The following TMTC2 variants were observed in gnomAD, a reference collection of about 807,000 sequenced individuals.
TMTC2 encodes the protein protein O-mannosyl-transferase TMTC2.
Under a neutral mutation model 82.4 loss-of-function variants are expected in TMTC2, and 43 were observed. That is an observed-to-expected ratio of 0.52 (90% CI 0.41 to 0.67). The LOEUF (loss-of-function observed/expected upper bound fraction) is 0.67, where lower values mean the gene tolerates loss of function less well. Ranked by LOEUF, TMTC2 falls within the 30% of genes least tolerant of loss-of-function variation. The probability of loss-of-function intolerance (pLI) is 0.00; values close to 1 mark genes in which losing one functional copy is unlikely to be tolerated. For synonymous variants in TMTC2, 408 were observed against 381.9 expected, an observed-to-expected ratio of 1.07 and a Z score of -0.80; for missense variants, 919 against 1,012.4, an observed-to-expected ratio of 0.91 and a Z score of 1.25.
chr12:83,007,323 CTT>C (rs1880250167), intron 8 of TMTC2, among the ~76,000 whole-genome samples: 1 of 152,152 alleles, frequency 6.6e-6, no homozygotes, highest in African/African-American at 2.4e-5. Flanking sequence ...AATGTACACA[CTT>C]ATCACTTAAA....
intron 8 of TMTC2, among the ~76,000 whole-genome samples, chr12:82,992,259 G>A (rs1314496428): frequency 6.6e-6 from 1 of 152,144 alleles, no homozygotes; most frequent in East Asian, 1.9e-4. Context: ...TTAGAGCTAA[G>A]ACTTCTTTTT....
chr12:83,061,641 G>T lies in TMTC2; in HGVS notation c.2268-127G>T, dbSNP rs1041798813. The T allele has an allele frequency of 2.4e-5, 16 of 676,726 alleles. No individual in the cohort carries two copies. In the African/African-American group the frequency reaches 3.0e-4, roughly 13 times the overall value. 41.9% of individuals were successfully genotyped at this position (676,726 alleles called of 1,614,324 possible). A position where few individuals can be genotyped will look rare whatever the true frequency, so the allele number is the denominator to read the frequency against. On this transcript the variant is annotated intron_variant, in intron 10 of 11. Transcript: ENST00000321196. ...ACACTCAATTTTTAAGTCTTTTTCT[G>T]CTTGGGCAATTTATTGTTTGGTGTG...
At chr12:82,715,288 A>G (rs1488632651) in intron 1 of TMTC2, among the ~76,000 whole-genome samples, 1 of 151,026 alleles carries the variant, frequency 6.6e-6, no homozygotes, top group East Asian at 1.9e-4. Flanking sequence ...AAAAAAAAAC[A>G]AAAAAGAAAA....
At chr12:82,893,594 A>G (rs1303653833) in intron 2 of TMTC2, among the ~76,000 whole-genome samples, 5 of 152,234 alleles carry the variant, frequency 3.3e-5, no homozygotes, top group African/African-American at 4.8e-5. Flanking sequence ...TCTAATTTCC[A>G]TCTGGTTGCT....
chr12:82,893,317 G>A (rs1309530480), intron 2 of TMTC2, among the ~76,000 whole-genome samples: 1 of 149,876 alleles, frequency 6.7e-6, no homozygotes, highest in Non-Finnish European at 1.5e-5. Flanking sequence ...GTTACAGTGA[G>A]CTGAGATCAT....
intron 8 of TMTC2, among the ~76,000 whole-genome samples, chr12:83,014,034 C>T (rs1880568256): frequency 1.3e-5 from 2 of 152,168 alleles, no homozygotes; most frequent in South Asian, 4.1e-4. Flanking sequence ...TCACTGAACT[C>T]TAAGGCAAAT....
At chr12:82,922,892 C>G (rs1875477848) in intron 3 of TMTC2, among the ~76,000 whole-genome samples, 1 of 152,110 alleles carries the variant, frequency 6.6e-6, no homozygotes, top group African/African-American at 2.4e-5. Flanking sequence ...GAATGACCCA[C>G]ATTGTACTCC....
intron 11 of TMTC2, among the ~76,000 whole-genome samples, chr12:83,109,870 T>C (rs2137544554): frequency 6.6e-6 from 1 of 152,342 alleles, no homozygotes; most frequent in Non-Finnish European, 1.5e-5. Flanking sequence ...ACTTTTTCTT[T>C]ATTCTTTATT....
chr12:82,917,890 T>C (rs941036445), intron 3 of TMTC2, among the ~76,000 whole-genome samples: 11 of 152,056 alleles, frequency 7.2e-5, no homozygotes, highest in South Asian at 2.1e-4. Flanking sequence ...CGTGAGCCAC[T>C]GCTCCCGGCC....
intron 2 of TMTC2, among the ~76,000 whole-genome samples, chr12:82,870,956 C>T (rs893559589): frequency 6.6e-6 from 1 of 152,174 alleles, no homozygotes; most frequent in African/African-American, 2.4e-5. Flanking sequence ...GATTCTCTTT[C>T]ATTCTGCAGT....
chr12:82,799,888 C>T (rs1222042537), intron 1 of TMTC2, among the ~76,000 whole-genome samples: 3 of 152,088 alleles, frequency 2.0e-5, no homozygotes, highest in Non-Finnish European at 4.4e-5. Context: ...AAGCTTTCAC[C>T]ATCACATGTG....
chr12:83,032,880 G>T (rs10862573), intron 9 of TMTC2, among the ~76,000 whole-genome samples: 1 of 152,142 alleles, frequency 6.6e-6, no homozygotes, highest in East Asian at 1.9e-4. Flanking sequence ...TTTATTTTGT[G>T]TGGTATTTGG....
chr12:82,945,974 T>A (rs1226890889), intron 4 of TMTC2, among the ~76,000 whole-genome samples: 1 of 152,214 alleles, frequency 6.6e-6, no homozygotes, highest in Non-Finnish European at 1.5e-5. Flanking sequence ...TTATTTCTAC[T>A]AAATAATACA....
At chr12:82,718,351 T>C (rs1306759348) in intron 1 of TMTC2, among the ~76,000 whole-genome samples, 1 of 152,232 alleles carries the variant, frequency 6.6e-6, no homozygotes. Context: ...TAACTACATA[T>C]GGTAATGCTA....
intron 4 of TMTC2, among the ~76,000 whole-genome samples, chr12:82,958,367 AAAACAAAAAAAAC>A (rs1228765322): frequency 0.031 from 414 of 13,482 alleles, 15 homozygotes; most frequent in Admixed American, 0.075. Context: ...AAAAAAAAAA[AAAACAAAAAAAAC>A]AAAAAAACTA....
At chr12:82,821,935 C>T (rs1369341560) in intron 1 of TMTC2, among the ~76,000 whole-genome samples, 1 of 150,358 alleles carries the variant, frequency 6.7e-6, no homozygotes, top group Non-Finnish European at 1.5e-5. Context: ...CCTTGTATCT[C>T]TTGCAAGCTA....
At chr12:82,881,805 C>T (rs1447580507) in intron 2 of TMTC2, among the ~76,000 whole-genome samples, 1 of 152,132 alleles carries the variant, frequency 6.6e-6, no homozygotes, top group South Asian at 2.1e-4. Context: ...TTTGTGCTTT[C>T]AGCAAAGTTA....
At chr12:82,830,930 G>A (rs1210344048) in intron 1 of TMTC2, among the ~76,000 whole-genome samples, 1 of 152,098 alleles carries the variant, frequency 6.6e-6, no homozygotes, top group Non-Finnish European at 1.5e-5. Context: ...TGAAATCACA[G>A]GGTAGATAGT....
intron 11 of TMTC2, among the ~76,000 whole-genome samples, chr12:83,113,275 A>G (rs931039764): frequency 6.6e-6 from 1 of 152,234 alleles, no homozygotes; most frequent in Non-Finnish European, 1.5e-5. Flanking sequence ...AGGTAAAACT[A>G]TGTAAATTCA....
Sources: allele counts gnomAD v4.1 joint callset (sites outside exome capture counted in the v4.1 genomes callset), GRCh38; gene constraint gnomAD v4.1.1; transcripts MANE v1.5; gene names NCBI Gene and HGNC (gene_info 2026-07-23, HGNC 2026-07-21).